The following NRCAM variants were observed in gnomAD, a reference collection of about 807,000 sequenced individuals.
NRCAM encodes the protein NgCAM-related cell adhesion molecule.
NRCAM carries 83 observed loss-of-function variants against 156.5 expected under a neutral mutation model. The ratio of observed to expected loss-of-function variants is 0.53; its 90% confidence interval spans 0.44 to 0.64. NRCAM has a LOEUF of 0.64. Among genes scored for constraint, NRCAM ranks in the 30% least tolerant of loss-of-function variants. NRCAM has a pLI of 0.00. For synonymous variants in NRCAM, 538 were observed against 563.9 expected (o/e 0.95, Z 0.65); for missense variants, 1,417 against 1,597.3 (o/e 0.89, Z 1.92).
chr7:108,204,688 G>C (rs2080115929), intron 13 of NRCAM, among the ~76,000 whole-genome samples: 1 of 152,186 alleles, frequency 6.6e-6, no homozygotes, highest in African/African-American at 2.4e-5. Flanking sequence ...AGGCACACCA[G>C]AGGGTGAGCG....
In NRCAM at chr7:108,178,648, G is replaced by A. The variant is rs141113608; in HGVS notation, c.2852-536C>T. On this transcript the variant is annotated intron_variant, in intron 25 of 32. Coordinates refer to ENST00000379028, the MANE Select transcript of NRCAM (RefSeq NM_001037132.4). The stretch of plus-strand genomic sequence containing the variant: ...AGGATCTGGTGGTGAATGGACAAAA[G>A]CCCAACCTTGGCACACCCCCAGCCC... Among the ~76,000 whole-genome samples the A allele has an allele frequency of 4.0e-3, 606 of 150,560 alleles. 7 individuals carry two copies. Among genetic ancestry groups the A allele is most frequent in the African/African-American group, 0.013 (531 of 41,422 alleles).
At chr7:108,361,839 A>G (rs1192693102) in intron 2 of NRCAM, among the ~76,000 whole-genome samples, 1 of 152,078 alleles carries the variant, frequency 6.6e-6, no homozygotes, top group Admixed American at 6.6e-5. Flanking sequence ...TATGTATTAC[A>G]TATGTGTATA....
intron 3 of NRCAM, among the ~76,000 whole-genome samples, chr7:108,257,072 AAAG>A (rs891760591): frequency 2.7e-5 from 4 of 150,922 alleles, no homozygotes; most frequent in African/African-American, 9.8e-5. Flanking sequence ...GGGAAAGAAG[AAAG>A]AAGGAAGGAA....
At chr7:108,165,846 C>T (rs1362735779) in intron 30 of NRCAM, among the ~76,000 whole-genome samples, 2 of 152,102 alleles carry the variant, frequency 1.3e-5, no homozygotes, top group African/African-American at 4.8e-5. Context: ...ATGTATTCTA[C>T]AGGATATGCA....
At chr7:108,302,081 A>G (rs1407561176) in intron 3 of NRCAM, among the ~76,000 whole-genome samples, 1 of 151,764 alleles carries the variant, frequency 6.6e-6, no homozygotes, top group African/African-American at 2.4e-5. Context: ...ACAAATCAAC[A>G]ACAGAAACAA....
chr7:108,383,905 A>G lies in NRCAM; in HGVS notation c.-174+15531T>C, dbSNP rs986051369. On this transcript the variant is annotated intron_variant, in intron 2 of 32. Transcript: ENST00000379028. ...TCTGAAAAATGACCATCATGATAAC[A>G]TACCATTAAGACTCAGGGCTTTGAA... Among the ~76,000 whole-genome samples, 40 of 152,186 alleles carry G rather than the reference A, an allele frequency of 2.6e-4. 1 individual carries two copies. Among genetic ancestry groups the G allele is most frequent in the Admixed American group, 2.5e-3 (38 of 15,276 alleles).
chr7:108,217,306 G>A (rs2089744117), intron 11 of NRCAM, among the ~76,000 whole-genome samples: 1 of 152,194 alleles, frequency 6.6e-6, no homozygotes, highest in Non-Finnish European at 1.5e-5. Context: ...CATCCCAGAA[G>A]GGCACCTGCC....
intron 1 of NRCAM, among the ~76,000 whole-genome samples, chr7:108,442,563 T>C (rs1255431278): frequency 6.6e-6 from 1 of 152,198 alleles, no homozygotes; most frequent in Non-Finnish European, 1.5e-5. Flanking sequence ...GTGAGTTTGA[T>C]GTAAGAAAAT....
At chr7:108,426,190 A>C (rs1817060691) in intron 1 of NRCAM, among the ~76,000 whole-genome samples, 1 of 152,188 alleles carries the variant, frequency 6.6e-6, no homozygotes, top group African/African-American at 2.4e-5. Context: ...TTATGTGTCT[A>C]ATTTTATGTT....
chr7:108,397,142 G>C (rs1248732121), intron 2 of NRCAM, among the ~76,000 whole-genome samples: 2 of 152,206 alleles, frequency 1.3e-5, no homozygotes, highest in Admixed American at 6.5e-5. Context: ...GGCAGAGTGA[G>C]ATTCAGGAGA....
At chr7:108,198,506 A>G (rs928816592) in intron 13 of NRCAM, among the ~76,000 whole-genome samples, 3 of 151,934 alleles carry the variant, frequency 2.0e-5, no homozygotes, top group African/African-American at 4.8e-5. Flanking sequence ...AGAGATGCAG[A>G]AAAAAAACTC....
At chr7:108,240,610 C>T (rs1042024774) in intron 3 of NRCAM, among the ~76,000 whole-genome samples, 8 of 152,188 alleles carry the variant, frequency 5.3e-5, no homozygotes, top group Admixed American at 5.2e-4. Flanking sequence ...AAAGCCAAAA[C>T]ACTAATTTAC....
intron 2 of NRCAM, among the ~76,000 whole-genome samples, chr7:108,388,187 T>G (rs952262555): frequency 3.3e-5 from 5 of 152,258 alleles, no homozygotes; most frequent in African/African-American, 1.2e-4. Flanking sequence ...AGTGTAAAAG[T>G]GTTCCTATTT....
At chr7:108,431,329 C>T (rs150369364) in intron 1 of NRCAM, among the ~76,000 whole-genome samples, 640 of 152,336 alleles carry the variant, frequency 4.2e-3, no homozygotes, top group Admixed American at 6.7e-3. Context: ...AACATCAGCA[C>T]CCTCCCTGCC....
intron 1 of NRCAM, among the ~76,000 whole-genome samples, chr7:108,434,192 G>A (rs192276945): frequency 5.3e-5 from 8 of 152,188 alleles, no homozygotes; most frequent in South Asian, 2.1e-4. Context: ...CCCCATCCCC[G>A]GCTCTGTCAT....
chr7:108,355,912 AAGGGTGAATAC>A (rs778706413), intron 2 of NRCAM, among the ~76,000 whole-genome samples: 4 of 151,966 alleles, frequency 2.6e-5, no homozygotes, highest in Non-Finnish European at 4.4e-5. Flanking sequence ...TCATCACAAG[AAGGGTGAATAC>A]AGTAATACAG....
intron 2 of NRCAM, among the ~76,000 whole-genome samples, chr7:108,385,183 T>A (rs1278279311): frequency 6.6e-6 from 1 of 152,212 alleles, no homozygotes; most frequent in Non-Finnish European, 1.5e-5. Flanking sequence ...TCTTAATGCA[T>A]ATATTACATT....
In NRCAM at chr7:108,174,841, G is replaced by A. The variant is rs117944147; in HGVS notation, c.3187+481C>T. On this transcript the variant is annotated intron_variant, in intron 28 of 32. Coordinates refer to ENST00000379028, the MANE Select transcript of NRCAM (RefSeq NM_001037132.4). ...CAAACCAGTTGGAGGGCATTGCTAC[G>A]CTGTAATTCCAAATGGACGGTTTTG... Among the ~76,000 whole-genome samples, 18 of 152,344 alleles carry A rather than the reference G, an allele frequency of 1.2e-4. No individual in the cohort carries two copies. The East Asian group carries it at 2.7e-3, about 23-fold the overall frequency.
chr7:108,446,732 C>CT (rs67867919), intron 1 of NRCAM, among the ~76,000 whole-genome samples: 2,697 of 144,120 alleles, frequency 0.019, 46 homozygotes, highest in African/African-American at 0.036. Flanking sequence ...CAACCTATGT[C>CT]TTTTTTTTTT....
Sources: gnomAD v4.1 joint callset for allele counts (sites outside exome capture counted in the v4.1 genomes callset) on GRCh38, gnomAD v4.1.1 for gene constraint, MANE v1.5 for transcripts, NCBI Gene and HGNC (gene_info 2026-07-23, HGNC 2026-07-21) for gene names.